Variants in VAV2 observed in about 807,000 individuals in gnomAD.
The protein encoded by VAV2 is vav guanine nucleotide exchange factor 2.
In VAV2, 67 loss-of-function variants were observed where a neutral mutation model predicts 132.5. The observed-to-expected ratio is 0.51, with a 90% CI of 0.42 to 0.62. The LOEUF (loss-of-function observed/expected upper bound fraction) is 0.62, where lower values mean the gene tolerates loss of function less well. Ranked by LOEUF, VAV2 falls within the 20% of genes least tolerant of loss-of-function variation. The pLI is 0.00. For missense variants in VAV2, 938 were observed against 1,153.6 expected (o/e 0.81, Z 2.71); for synonymous variants, 492 against 443.5 (o/e 1.11, Z -1.37).
chr9:133,815,311 G>C (rs73553957), intron 4 of VAV2, among the ~76,000 whole-genome samples: 3,513 of 152,102 alleles, frequency 0.023, 50 homozygotes, highest in East Asian at 0.056. Context: ...CCAAGCATAG[G>C]GTTCTCATAA....
chr9:133,774,129 A>C (rs1445828921), intron 25 of VAV2, among the ~76,000 whole-genome samples: 1 of 152,246 alleles, frequency 6.6e-6, no homozygotes, highest in Non-Finnish European at 1.5e-5. Flanking sequence ...CAGGAATGCA[A>C]GGTTGGTTTA....
chr9:133,789,428 C>T lies in VAV2; in HGVS notation c.1189-85G>A, dbSNP rs562333665. ...CACGGGCAGGGCAGACTGTCGTGCA[C>T]CCAAGGGAACTCCCCACAGGCAGCA... On this transcript the variant is annotated intron_variant, in intron 13 of 29. Coordinates refer to ENST00000371850, the MANE Select transcript of VAV2 (RefSeq NM_001134398.2). 2.3e-5 allele frequency: 30 copies of T among 1,313,678 alleles called. 2 individuals carry two copies. In the African/African-American group the frequency reaches 3.5e-4, roughly 15 times the overall value. The allele number at this position is 1,313,678 out of a possible 1,614,324, so 81.4% of individuals were successfully genotyped here.
At position 133,969,177 on chromosome 9, in the gene VAV2, G is replaced by A. The variant is rs1250656030; in HGVS notation, c.204+22898C>T. ...GTGCCCGCCGGGCCTGCGAGGACGA[G>A]AGCTGGATTCCACCGTGCCCGCCGG... is the stretch of plus-strand genomic sequence containing the variant. On this transcript the variant is annotated intron_variant, in intron 1 of 29. Transcript: ENST00000371850. The surrounding 1 kb of genome is among the most constrained non-coding windows in gnomAD (Gnocchi z 5.1). 6.6e-6 allele frequency among the ~76,000 whole-genome samples: 1 copy of A among 152,004 alleles called. No individual in the cohort carries two copies. The highest frequency in any genetic ancestry group is 1.5e-5 in the Non-Finnish European group (1 of 68,004).
chr9:133,810,245 G>C, intron 5 of VAV2, 40 bp from the exon 6 acceptor site: 1 of 1,612,634 alleles, frequency 6.2e-7, no homozygotes, highest in Non-Finnish European at 8.5e-7. Flanking sequence ...GCGCCGGTTA[G>C]CAGGGCCCAC....
Position 133,926,015 on chromosome 9 carries a change from A to C in VAV2, c.321+13088T>G, listed in dbSNP as rs1840467321. The stretch of plus-strand genomic sequence containing the variant: ...GGACATGGACCAAAAAAAAAAAAAA[A>C]AAAAAAAAAAAAAGCATGCACCAGT... On this transcript the variant is annotated intron_variant, in intron 2 of 29. Transcript: ENST00000371850. This position sits in a 1 kb window ranked among gnomAD's most constrained non-coding sequence, Gnocchi z 4.3. 1 of 150,326 alleles carries C rather than the reference A, an allele frequency of 6.7e-6. No individual in the cohort carries two copies. 9.3% of individuals were successfully genotyped at this position (150,326 alleles called of 1,614,324 possible).
At chr9:133,988,076 G>A (rs1842909858) in intron 1 of VAV2, among the ~76,000 whole-genome samples, 1 of 152,232 alleles carries the variant, frequency 6.6e-6, no homozygotes, top group African/African-American at 2.4e-5. Flanking sequence ...ATGTCACCAT[G>A]AGAAGCCAGG....
chr9:133,768,544 G>A lies in VAV2; in HGVS notation c.2487C>T (p.Ala829=). ...GTAVARYNFA[A]RDMRELSLRE... is the part of the protein sequence containing the mutation. ...GCAGCGAAAGCTCCCTCATATCTCGGGCGGCAAAGTTATACCTGGCCACAG... is the reference window on the plus strand; with the variant it reads ...GCAGCGAAAGCTCCCTCATATCTCGAGCGGCAAAGTTATACCTGGCCACAG... Residue 829 remains alanine, a synonymous_variant, in exon 29 of 30, where the codon GCC becomes GCT. Coordinates refer to ENST00000371850, the MANE Select transcript of VAV2 (RefSeq NM_001134398.2). The surrounding 1 kb of genome is among the most constrained non-coding windows in gnomAD (Gnocchi z 5.3). 6.2e-7 allele frequency: 1 copy of A among 1,614,012 alleles called. No individual in the cohort carries two copies. The highest frequency in any genetic ancestry group is 8.5e-7 in the Non-Finnish European group (1 of 1,179,994).
rs772577471 is a variant in VAV2, at chr9:133,789,341, T to C, written c.1191A>G (p.Gln397=). The C allele has an allele frequency of 5.0e-6, 8 of 1,613,272 alleles. No homozygotes were observed. Among genetic ancestry groups the C allele is most frequent in the South Asian group, 2.2e-5 (2 of 91,072 alleles). The change falls in exon 14 of 30, where the codon CAA becomes CAG. Residue 397 remains glutamine, a splice_region_variant and synonymous_variant. Coordinates refer to ENST00000371850, the MANE Select transcript of VAV2 (RefSeq NM_001134398.2). ...GTCTTCCAAATTCCTCCAGTTTCAC[T>C]TGCTGGGAAGAAGGAGAGGGGCCGT... is the stretch of plus-strand genomic sequence containing the variant. ...SEFQSSIENL[Q]VKLEEFGRPK...
chr9:133,822,226 C>CATAAA (rs1437489741), intron 4 of VAV2, among the ~76,000 whole-genome samples: 4 of 152,228 alleles, frequency 2.6e-5, no homozygotes, highest in Non-Finnish European at 5.9e-5. Context: ...TTACGGCGGA[C>CATAAA]ATAAAATAGT....
Position 133,783,592 on chromosome 9 carries a change from C to T in VAV2, c.1635-1G>A. 6.2e-7 allele frequency: 1 copy of T among 1,613,936 alleles called. No individual in the cohort carries two copies. The highest frequency in any genetic ancestry group is 8.5e-7 in the Non-Finnish European group (1 of 1,179,922). On this transcript the variant is annotated splice_acceptor_variant, in intron 18 of 29. Transcript: ENST00000371850. LOFTEE classifies it high-confidence loss of function. Reference sequence around the variant, plus strand: ...CATGTATCCCTGGTAGAAGGTGCCCCTGCACAGGGGAGGGCAGGAGGTGAG... The same window carrying T: ...CATGTATCCCTGGTAGAAGGTGCCCTTGCACAGGGGAGGGCAGGAGGTGAG...
At chr9:133,784,255 C>G (rs1834128702) in intron 18 of VAV2, 62 bp downstream of exon 18, 1 of 1,545,998 alleles carries the variant, frequency 6.5e-7, no homozygotes, top group African/African-American at 1.4e-5. Context: ...ACACTAAGCT[C>G]TCTCAGGGGC....
intron 1 of VAV2, among the ~76,000 whole-genome samples, chr9:133,968,684 G>A (rs982135109): frequency 1.3e-5 from 2 of 152,156 alleles, no homozygotes; most frequent in Non-Finnish European, 2.9e-5. Context: ...CCTTGTAGCC[G>A]GGAGAGAGAG....
intron 2 of VAV2, among the ~76,000 whole-genome samples, chr9:133,891,924 G>C (rs1157099798): frequency 7.2e-6 from 1 of 138,230 alleles, no homozygotes; most frequent in Admixed American, 7.1e-5. Context: ...AGTGAGAATG[G>C]AGGAGAGGGG....
intron 1 of VAV2, among the ~76,000 whole-genome samples, chr9:133,957,692 G>A (rs937947317): frequency 3.9e-5 from 6 of 152,068 alleles, no homozygotes; most frequent in East Asian, 1.9e-4. Context: ...CACCTCAGCC[G>A]GGACACCCTG....
chr9:133,901,948 ACCT>A (rs1319170787), intron 2 of VAV2, among the ~76,000 whole-genome samples: 2 of 151,660 alleles, frequency 1.3e-5, no homozygotes, highest in African/African-American at 4.9e-5. Flanking sequence ...CCTACCATGC[ACCT>A]CCTCCTACCA....
rs964387254 is a variant in VAV2 at position 133,786,036 on chromosome 9, G to A, written c.1423-151C>T. The A allele has an allele frequency of 2.5e-5, 18 of 733,898 alleles. No individual in the cohort carries two copies. In the Admixed American group the frequency reaches 2.6e-4, roughly 11 times the overall value. The allele number at this position is 733,898 out of a possible 1,614,324, so 45.5% of individuals were successfully genotyped here. A position where few individuals can be genotyped will look rare whatever the true frequency, so the allele number is the denominator to read the frequency against. On this transcript the variant is annotated intron_variant, in intron 16 of 29. Coordinates refer to ENST00000371850, the MANE Select transcript of VAV2 (RefSeq NM_001134398.2). Reference sequence around the variant, plus strand: ...TGCCTGTGTGAACACATGTTCTCACGTGTGTACCTGCTCTCTTGCCCATGC... The same window carrying A: ...TGCCTGTGTGAACACATGTTCTCACATGTGTACCTGCTCTCTTGCCCATGC...
At chr9:133,968,024 A>G (rs1305761913) in intron 1 of VAV2, among the ~76,000 whole-genome samples, 2 of 151,350 alleles carry the variant, frequency 1.3e-5, no homozygotes, top group Non-Finnish European at 2.9e-5. Context: ...GGAGGGACAG[A>G]GTGGAATGAT....
chr9:133,812,545 G>A (rs1835400513), intron 4 of VAV2, among the ~76,000 whole-genome samples: 1 of 152,168 alleles, frequency 6.6e-6, no homozygotes, highest in African/African-American at 2.4e-5. Context: ...CGGGACCCCT[G>A]CCTTCACCAG....
chr9:133,835,653 T>C (rs1039789484), intron 3 of VAV2, among the ~76,000 whole-genome samples: 1 of 152,108 alleles, frequency 6.6e-6, no homozygotes, highest in African/African-American at 2.4e-5. Context: ...CCAGCTGGGA[T>C]TGCTTCCTTG....
Sources: allele counts gnomAD v4.1 joint callset (sites outside exome capture counted in the v4.1 genomes callset), GRCh38; gene constraint gnomAD v4.1.1; non-coding constraint Gnocchi (gnomAD v3.1); transcripts MANE v1.5; gene names NCBI Gene and HGNC (gene_info 2026-07-23, HGNC 2026-07-21).